SUCLG2: variants seen among roughly 807,000 people sequenced by gnomAD.
SUCLG2 encodes the protein succinate-CoA ligase GDP-forming subunit beta.
In SUCLG2, 42 loss-of-function variants were observed where a neutral mutation model predicts 47.9. The observed-to-expected ratio is 0.88, with a 90% CI of 0.69 to 1.14. The LOEUF (loss-of-function observed/expected upper bound fraction) is 1.14, where lower values mean the gene tolerates loss of function less well. SUCLG2 is among the 50% of genes most tolerant of loss of function. The pLI, the probability that SUCLG2 is intolerant of heterozygous loss-of-function variation, is 0.00. For missense variants in SUCLG2, 571 were observed against 525.9 expected, an observed-to-expected ratio of 1.09 and a Z score of -0.84; for synonymous variants, 195 against 197.3, an observed-to-expected ratio of 0.99 and a Z score of 0.10.
chr3:67,649,071 C>G (rs991309364), intron 1 of SUCLG2, among the ~76,000 whole-genome samples: 2 of 152,110 alleles, frequency 1.3e-5, no homozygotes, highest in African/African-American at 4.8e-5. Flanking sequence ...AAAGGCAGGG[C>G]TGGGTAAGGT....
At chr3:67,592,838 G>A (rs929209976) in intron 2 of SUCLG2, among the ~76,000 whole-genome samples, 1 of 151,102 alleles carries the variant, frequency 6.6e-6, no homozygotes, top group Non-Finnish European at 1.5e-5. Context: ...GTCACCTCAC[G>A]ATACTGTATA....
At chr3:67,395,561 C>T (rs1702505099) in intron 10 of SUCLG2, among the ~76,000 whole-genome samples, 1 of 152,188 alleles carries the variant, frequency 6.6e-6, no homozygotes, top group African/African-American at 2.4e-5. Context: ...TACTCCCACA[C>T]AATAATAATG....
chr3:67,553,881 T>C (rs557644342), intron 2 of SUCLG2, among the ~76,000 whole-genome samples: 1 of 152,200 alleles, frequency 6.6e-6, no homozygotes, highest in Non-Finnish European at 1.5e-5. Flanking sequence ...TCTTAAACAG[T>C]AGAAACACAT....
chr3:67,418,010 T>G (rs1177183828), intron 9 of SUCLG2, among the ~76,000 whole-genome samples: 1 of 152,148 alleles, frequency 6.6e-6, no homozygotes, highest in Non-Finnish European at 1.5e-5. Flanking sequence ...CAAAGATAAA[T>G]AATACATGAT....
At position 67,508,972 on chromosome 3, in the gene SUCLG2, G is replaced by A; in HGVS notation, c.661-69C>T. On this transcript the variant is annotated intron_variant, in intron 6 of 10. Coordinates refer to ENST00000307227, the MANE Select transcript of SUCLG2 (RefSeq NM_003848.4). ...AGAAAATTTATTTTGCTGGATTAAT[G>A]AAACCTTAAAAATAGCAAGTTATGT... 3 of 1,213,896 alleles carry A rather than the reference G, an allele frequency of 2.5e-6. No individual in the cohort carries two copies. In the Admixed American group the frequency reaches 6.8e-5, roughly 27 times the overall value. 75.2% of individuals were successfully genotyped at this position (1,213,896 alleles called of 1,614,324 possible).
At chr3:67,398,926 A>C (rs1026037958) in intron 10 of SUCLG2, among the ~76,000 whole-genome samples, 6 of 151,342 alleles carry the variant, frequency 4.0e-5, no homozygotes, top group African/African-American at 1.5e-4. Flanking sequence ...CAAGGACAAA[A>C]AACCAAACAC....
At chr3:67,361,243 A>G (rs902254207) in intron 10 of SUCLG2, among the ~76,000 whole-genome samples, 3 of 151,964 alleles carry the variant, frequency 2.0e-5, no homozygotes, top group African/African-American at 7.3e-5. Context: ...ATACTTTTCT[A>G]TTATAGAGTT....
At chr3:67,635,119 T>G (rs946847122) in intron 1 of SUCLG2, among the ~76,000 whole-genome samples, 8 of 152,188 alleles carry the variant, frequency 5.3e-5, no homozygotes, top group Admixed American at 2.0e-4. Flanking sequence ...AACATCATCA[T>G]GAAGAGCCAG....
intron 2 of SUCLG2, among the ~76,000 whole-genome samples, chr3:67,567,616 A>C (rs1341469167): frequency 6.6e-6 from 1 of 152,190 alleles, no homozygotes; most frequent in African/African-American, 2.4e-5. Flanking sequence ...GGAAAATGGT[A>C]ATCTGAAAAC....
chr3:67,524,357 G>T (rs1706198070), intron 4 of SUCLG2, among the ~76,000 whole-genome samples: 1 of 152,178 alleles, frequency 6.6e-6, no homozygotes, highest in African/African-American at 2.4e-5. Context: ...CTGGAATTGT[G>T]GTCAGGAGAT....
chr3:67,362,936 C>A (rs1701825762), intron 10 of SUCLG2, among the ~76,000 whole-genome samples: 1 of 152,120 alleles, frequency 6.6e-6, no homozygotes, highest in Admixed American at 6.5e-5. Context: ...CTCTAGAGCT[C>A]CCCGTGAGAT....
chr3:67,505,817 C>T (rs910623687), intron 7 of SUCLG2, among the ~76,000 whole-genome samples: 3 of 152,142 alleles, frequency 2.0e-5, no homozygotes, highest in Middle Eastern at 3.4e-3. Context: ...CAAAAATTAG[C>T]TGGGCGCGGT....
At chr3:67,481,307 A>C (rs191332504) in intron 9 of SUCLG2, among the ~76,000 whole-genome samples, 3 of 152,346 alleles carry the variant, frequency 2.0e-5, no homozygotes, top group African/African-American at 7.2e-5. Flanking sequence ...GGGTCCAACC[A>C]CACACTTTCG....
At chr3:67,419,541 A>G (rs1265320633) in intron 9 of SUCLG2, among the ~76,000 whole-genome samples, 1 of 152,182 alleles carries the variant, frequency 6.6e-6, no homozygotes, top group Non-Finnish European at 1.5e-5. Flanking sequence ...GTAAGGCCAG[A>G]GGAAACAATT....
intron 9 of SUCLG2, among the ~76,000 whole-genome samples, chr3:67,486,303 A>G (rs73104377): frequency 0.023 from 3,467 of 152,204 alleles, 48 homozygotes; most frequent in African/African-American, 0.036. Context: ...AAGAAAGAAG[A>G]AGGAAAGAAA....
intron 1 of SUCLG2, among the ~76,000 whole-genome samples, chr3:67,628,099 C>A (rs1187690251): frequency 6.6e-6 from 1 of 152,162 alleles, no homozygotes; most frequent in African/African-American, 2.4e-5. Context: ...ATCTTTCTAA[C>A]TGGACCCCAA....
intron 9 of SUCLG2, among the ~76,000 whole-genome samples, chr3:67,479,566 T>TG (rs374734558): frequency 6.6e-6 from 1 of 152,328 alleles, no homozygotes; most frequent in Non-Finnish European, 1.5e-5. Flanking sequence ...GGTTGTACTC[T>TG]GTAGCAAGAA....
intron 10 of SUCLG2, among the ~76,000 whole-genome samples, chr3:67,366,150 A>C (rs1701872053): frequency 6.6e-6 from 1 of 152,172 alleles, no homozygotes; most frequent in African/African-American, 2.4e-5. Context: ...AACTTTTTCT[A>C]GTGTGGAAAC....
intron 10 of SUCLG2, among the ~76,000 whole-genome samples, chr3:67,365,019 T>A (rs967390108): frequency 8.6e-5 from 13 of 151,536 alleles, no homozygotes; most frequent in Non-Finnish European, 1.9e-4. Flanking sequence ...CAAAATAAAA[T>A]AAAAATGGAT....
Sources: allele counts gnomAD v4.1 joint callset (sites outside exome capture counted in the v4.1 genomes callset), GRCh38; gene constraint gnomAD v4.1.1; transcripts MANE v1.5; gene names NCBI Gene and HGNC (gene_info 2026-07-23, HGNC 2026-07-21).